DACH2: variants seen among roughly 807,000 people sequenced by gnomAD.
DACH2 encodes dachshund homolog 2.
A neutral mutation model predicts 35.8 loss-of-function variants in DACH2; 17 were observed. The ratio of observed to expected loss-of-function variants is 0.48; its 90% CI spans 0.33 to 0.71. The LOEUF (loss-of-function observed/expected upper bound fraction) is 0.71. DACH2 is among the 30% of genes least tolerant of loss of function. The pLI, the probability that DACH2 is intolerant of heterozygous loss-of-function variation, is 0.02. For missense variants in DACH2, 469 were observed against 472.7 expected (o/e 0.99, Z 0.07); for synonymous variants, 195 against 177.3 (o/e 1.10, Z -0.79).
chrX:86,324,300 G>A (rs1212979272), intron 1 of DACH2, among the ~76,000 whole-genome samples: 2 of 111,907 alleles, frequency 1.8e-5, no homozygotes, highest in Non-Finnish European at 3.8e-5. Context: ...AAACTTGAAT[G>A]GCTAGGGAGT....
chrX:86,170,183 A>C (rs2031078461), intron 1 of DACH2, among the ~76,000 whole-genome samples: 2 of 109,230 alleles, frequency 1.8e-5, no homozygotes, highest in South Asian at 7.6e-4. Flanking sequence ...TTTTTCCCAA[A>C]CAAAAAGCAT....
chrX:86,764,728 T>G (rs1320878231), intron 7 of DACH2, among the ~76,000 whole-genome samples: 1 of 111,535 alleles, frequency 9.0e-6, no homozygotes, highest in Non-Finnish European at 1.9e-5. Context: ...AGAGTTATTT[T>G]TCTCTGGGTA....
intron 1 of DACH2, among the ~76,000 whole-genome samples, chrX:86,322,966 T>C (rs1331564770): frequency 8.9e-6 from 1 of 112,348 alleles, no homozygotes; most frequent in Non-Finnish European, 1.9e-5. Flanking sequence ...AGCAGAGTTC[T>C]CCTGTTCACA....
intron 6 of DACH2, among the ~76,000 whole-genome samples, chrX:86,716,977 A>G (rs1324650202): frequency 8.9e-6 from 1 of 112,104 alleles, no homozygotes; most frequent in African/African-American, 3.2e-5. Context: ...CCTGCCAAAT[A>G]CACAAATACA....
intron 1 of DACH2, among the ~76,000 whole-genome samples, chrX:86,314,740 A>G (rs373877034): frequency 3.6e-5 from 4 of 112,165 alleles, no homozygotes; most frequent in African/African-American, 1.3e-4. Flanking sequence ...GTCTGGCTAG[A>G]TCAAATCAGC....
Position 86,573,138 on chromosome X carries a change from G to A in DACH2, c.640+58747G>A, listed in dbSNP as rs746799484. Among the ~76,000 whole-genome samples, 7 of 110,742 alleles carry A rather than the reference G, an allele frequency of 6.3e-5. 1 individual carries two copies. The South Asian group carries it at 2.3e-3, about 37-fold the overall frequency. Reference sequence around the variant, plus strand: ...CAAAGGAAAGATCAAAGGAAGAGAGGAGGAAAGAGAGGGAGGGAGGAAAGA... The same window carrying A: ...CAAAGGAAAGATCAAAGGAAGAGAGAAGGAAAGAGAGGGAGGGAGGAAAGA... On this transcript the variant is annotated intron_variant, in intron 3 of 11. Coordinates refer to ENST00000373125, the MANE Select transcript of DACH2 (RefSeq NM_053281.3).
intron 2 of DACH2, among the ~76,000 whole-genome samples, chrX:86,399,269 G>C (rs184928860): frequency 9.0e-6 from 1 of 111,342 alleles, no homozygotes; most frequent in Non-Finnish European, 1.9e-5. Flanking sequence ...TTGAGCCTAT[G>C]TATGTCTCTG....
Position 86,344,053 on chromosome X carries a change from T to A in DACH2, c.489-32771T>A, listed in dbSNP as rs1487386603. 4.5e-5 allele frequency among the ~76,000 whole-genome samples: 5 copies of A among 110,035 alleles called. No homozygotes were observed. The Admixed American group carries it at 4.9e-4, about 11-fold the overall frequency. On this transcript the variant is annotated intron_variant, in intron 1 of 11. Transcript: ENST00000373125. The stretch of plus-strand genomic sequence containing the variant: ...GACTTATTGTACATTTTTAAATAAC[T>A]CAAAGGTGTAATTGGATTGTTTGTA...
intron 1 of DACH2, among the ~76,000 whole-genome samples, chrX:86,364,907 G>A (rs1042684618): frequency 1.8e-5 from 2 of 111,170 alleles, no homozygotes; most frequent in African/African-American, 3.3e-5. Context: ...ATGCTCATGT[G>A]TTATTTTAGA....
chrX:86,600,999 G>A (rs1246517429), intron 3 of DACH2, among the ~76,000 whole-genome samples: 3 of 111,447 alleles, frequency 2.7e-5, no homozygotes, highest in Non-Finnish European at 5.6e-5. Context: ...CTACGCTAGA[G>A]ATTACATGGA....
intron 1 of DACH2, among the ~76,000 whole-genome samples, chrX:86,363,493 A>G (rs974603964): frequency 9.0e-6 from 1 of 111,685 alleles, no homozygotes; most frequent in Admixed American, 9.6e-5. Context: ...CAACATGATA[A>G]GTTTCATAAT....
intron 4 of DACH2, among the ~76,000 whole-genome samples, chrX:86,658,895 C>T (rs961034366): frequency 3.6e-5 from 4 of 111,526 alleles, no homozygotes; most frequent in South Asian, 7.4e-4. Context: ...ATTATAACCA[C>T]GTAAATCTTT....
At chrX:86,527,912 A>G (rs2038656871) in intron 3 of DACH2, among the ~76,000 whole-genome samples, 1 of 112,153 alleles carries the variant, frequency 8.9e-6, no homozygotes, top group African/African-American at 3.2e-5. Flanking sequence ...TTTTGCCAAC[A>G]TACTGTCTCC....
intron 3 of DACH2, among the ~76,000 whole-genome samples, chrX:86,646,794 T>C (rs187261783): frequency 9.1e-6 from 1 of 109,924 alleles, no homozygotes; most frequent in Non-Finnish European, 1.9e-5. Context: ...AATATATGGA[T>C]GTATGAAACT....
chrX:86,246,765 T>G (rs1185295846), intron 1 of DACH2, among the ~76,000 whole-genome samples: 1 of 111,685 alleles, frequency 9.0e-6, no homozygotes, highest in Admixed American at 9.5e-5. Flanking sequence ...ACAAAGCAAT[T>G]ATACGATCAA....
At chrX:86,438,122 G>GA (rs2037097972) in intron 2 of DACH2, among the ~76,000 whole-genome samples, 1 of 108,463 alleles carries the variant, frequency 9.2e-6, no homozygotes, top group Non-Finnish European at 1.9e-5. Context: ...TTACAAGTGA[G>GA]AACATCTGGT....
intron 3 of DACH2, among the ~76,000 whole-genome samples, chrX:86,626,252 C>A (rs924383785): frequency 1.8e-5 from 2 of 112,582 alleles, no homozygotes; most frequent in African/African-American, 6.5e-5. Context: ...TCTTAAAGCT[C>A]TTAAATGATC....
chrX:86,795,508 C>T (rs2042227663), intron 7 of DACH2, among the ~76,000 whole-genome samples: 1 of 111,888 alleles, frequency 8.9e-6, no homozygotes, highest in African/African-American at 3.2e-5. Flanking sequence ...GCTGGGATTA[C>T]AGGCGTTAGC....
At chrX:86,214,983 G>A (rs142681233) in intron 1 of DACH2, among the ~76,000 whole-genome samples, 5,829 of 111,500 alleles carry the variant, frequency 0.052, 169 homozygotes, top group Non-Finnish European at 0.079. Context: ...GTGATGTCAG[G>A]ATTGGTATAA....
Sources: allele counts gnomAD v4.1 joint callset (sites outside exome capture counted in the v4.1 genomes callset), GRCh38; gene constraint gnomAD v4.1.1; transcripts MANE v1.5; gene names NCBI Gene and HGNC (gene_info 2026-07-23, HGNC 2026-07-21).